Variants in FYB2 observed in about 807,000 individuals in gnomAD.
FYB2 encodes FYN-binding protein 2.
A neutral mutation model predicts 94.1 loss-of-function variants in FYB2; 103 were observed. The observed-to-expected ratio is 1.09, with a 90% CI of 0.93 to 1.29. The LOEUF (loss-of-function observed/expected upper bound fraction) is 1.29. Ranked by LOEUF, FYB2 falls within the 50% of genes most tolerant of loss-of-function variation. The pLI is 0.00. For missense variants in FYB2, 896 were observed against 841.5 expected (o/e 1.06, Z -0.80); for synonymous variants, 293 against 287.9 (o/e 1.02, Z -0.18).
In FYB2 at chr1:56,723,694, G is replaced by A; in HGVS notation, c.1881-13C>T. On this transcript the variant is annotated splice_polypyrimidine_tract_variant and intron_variant, in intron 16 of 19. Transcript: ENST00000343433. ...TCTAGGAGAGAAACTAGCAAGAAAT[G>A]TGCAGGTAGGGTAAAACGTACTATA... 2 of 1,450,462 alleles carry A rather than the reference G, an allele frequency of 1.4e-6. No homozygotes were observed. The highest frequency in any genetic ancestry group is 1.9e-6 in the Non-Finnish European group (2 of 1,040,266). 89.8% of individuals were successfully genotyped at this position (1,450,462 alleles called of 1,614,324 possible). A position where few individuals can be genotyped will look rare whatever the true frequency, so the allele number is the denominator to read the frequency against.
intron 1 of FYB2, among the ~76,000 whole-genome samples, chr1:56,804,253 A>C (rs748045360): frequency 1.7e-4 from 26 of 152,184 alleles, no homozygotes; most frequent in Non-Finnish European, 3.5e-4. Flanking sequence ...ACCTTTGTGG[A>C]GCCTACAGTT....
chr1:56,747,880 T>G (rs1645105786), intron 9 of FYB2, among the ~76,000 whole-genome samples: 1 of 152,126 alleles, frequency 6.6e-6, no homozygotes, highest in East Asian at 1.9e-4. Context: ...TGTAAAAGCA[T>G]TCCTATTTCT....
intron 4 of FYB2, among the ~76,000 whole-genome samples, chr1:56,777,863 C>T (rs1301837983): frequency 6.6e-6 from 1 of 152,152 alleles, no homozygotes; most frequent in Non-Finnish European, 1.5e-5. Flanking sequence ...ATAGTCTATT[C>T]TCCACACAGC....
intron 1 of FYB2, among the ~76,000 whole-genome samples, chr1:56,793,741 A>G (rs1369413318): frequency 1.1e-3 from 5 of 4,530 alleles, no homozygotes; most frequent in South Asian, 0.056. Flanking sequence ...GAAAGTTGAA[A>G]AAAAAAAAAA....
chr1:56,787,128 C>T, intron 4 of FYB2, 47 bp downstream of exon 4: 1 of 1,608,426 alleles, frequency 6.2e-7, no homozygotes, highest in Non-Finnish European at 8.5e-7. Flanking sequence ...TCTAAGTAGC[C>T]TCTGTGGTGG....
At chr1:56,760,260 C>A (rs1645459862) in intron 5 of FYB2, among the ~76,000 whole-genome samples, 1 of 152,204 alleles carries the variant, frequency 6.6e-6, no homozygotes, top group Middle Eastern at 3.4e-3. Flanking sequence ...CTCTGTTTTT[C>A]TCTTTCTTGC....
chr1:56,757,691 T>TTCCTTCCTTCCTTCCTTCC (rs1557616923), intron 6 of FYB2, among the ~76,000 whole-genome samples: 76 of 70,134 alleles, frequency 1.1e-3, no homozygotes, highest in Admixed American at 2.9e-3. Context: ...TCCTTCCTTC[T>TTCCTTCCTTCCTTCCTTCC]TTCTTTCTTT....
At chr1:56,772,781 C>G (rs1251887212) in intron 4 of FYB2, among the ~76,000 whole-genome samples, 1 of 152,020 alleles carries the variant, frequency 6.6e-6, no homozygotes, top group Non-Finnish European at 1.5e-5. Context: ...ACTTTAAAGG[C>G]GTATTATGGA....
At chr1:56,726,450 T>C in intron 16 of FYB2, 47 bp downstream of exon 16, 24 of 1,539,960 alleles carry the variant, frequency 1.6e-5, no homozygotes, top group Non-Finnish European at 2.0e-5. Flanking sequence ...GTAAGAGGTA[T>C]AAATTGCAGC....
chr1:56,825,715 C>T, the FYB2 span, among the ~76,000 whole-genome samples: 339 of 152,302 alleles, frequency 2.2e-3, 3 homozygotes, highest in African/African-American at 7.4e-3. Flanking sequence ...CCTGAATGTA[C>T]TTACTCATTC....
upstream of FYB2, among the ~76,000 whole-genome samples, chr1:56,821,974 G>C (rs1313894796): frequency 6.6e-6 from 1 of 152,176 alleles, no homozygotes; most frequent in African/African-American, 2.4e-5. Flanking sequence ...ATTCAGTAAA[G>C]ATGTATGAAA....
intron 1 of FYB2, among the ~76,000 whole-genome samples, chr1:56,810,362 G>A (rs778170100): frequency 7.3e-5 from 11 of 151,436 alleles, no homozygotes; most frequent in Non-Finnish European, 1.5e-4. Context: ...GTCATTCTGT[G>A]AAACTACCCT....
At chr1:56,819,143 G>C (rs1646954875) in intron 1 of FYB2, 139 bp downstream of exon 1, 1 of 671,646 alleles carries the variant, frequency 1.5e-6, no homozygotes, top group African/African-American at 2.0e-5. Flanking sequence ...GAAATGCACT[G>C]GCTGACACCT....
chr1:56,793,644 G>A (rs1646326341), intron 1 of FYB2, among the ~76,000 whole-genome samples: 2 of 149,202 alleles, frequency 1.3e-5, no homozygotes, highest in African/African-American at 2.5e-5. Flanking sequence ...CACTACCTAG[G>A]TGATGGAATC....
intron 18 of FYB2, 33 bp downstream of exon 18, chr1:56,720,138 ATG>A: frequency 6.3e-7 from 1 of 1,588,150 alleles, no homozygotes; most frequent in South Asian, 1.2e-5. Flanking sequence ...TTTAAAAAGA[ATG>A]AAATATTATG....
At chr1:56,772,489 A>G (rs966436707) in intron 4 of FYB2, among the ~76,000 whole-genome samples, 30 of 152,176 alleles carry the variant, frequency 2.0e-4, no homozygotes, top group African/African-American at 7.0e-4. Context: ...CCTTGATTTC[A>G]TACAATGTGG....
At chr1:56,820,918 A>G (rs1646983518), upstream of FYB2, among the ~76,000 whole-genome samples, 1 of 152,188 alleles carries the variant, frequency 6.6e-6, no homozygotes, top group South Asian at 2.1e-4. Flanking sequence ...GTTCTGAGCC[A>G]TGACATGCCA....
chr1:56,755,551 T>A (rs951970500), intron 7 of FYB2, among the ~76,000 whole-genome samples: 1 of 152,114 alleles, frequency 6.6e-6, no homozygotes, highest in Non-Finnish European at 1.5e-5. Context: ...GTTATTATTA[T>A]TTTCCTGTTT....
At chr1:56,812,457 A>C (rs1479894798) in intron 1 of FYB2, among the ~76,000 whole-genome samples, 1 of 152,236 alleles carries the variant, frequency 6.6e-6, no homozygotes, top group Non-Finnish European at 1.5e-5. Context: ...AACAGTAACA[A>C]TACCATGAAG....
Sources: allele counts gnomAD v4.1 joint callset (sites outside exome capture counted in the v4.1 genomes callset), GRCh38; gene constraint gnomAD v4.1.1; transcripts MANE v1.5; gene names NCBI Gene and HGNC (gene_info 2026-07-23, HGNC 2026-07-21).